HCN1: variants seen among roughly 807,000 people sequenced by gnomAD.
HCN1 encodes the protein hyperpolarization activated cyclic nucleotide gated potassium channel 1.
Under a neutral mutation model 78.9 loss-of-function variants are expected in HCN1, and 13 were observed. That is an observed-to-expected ratio of 0.16 (90% CI 0.11 to 0.26). The LOEUF is 0.26. HCN1 is among the 10% of genes least tolerant of loss of function. HCN1 has a pLI of 1.00. For missense variants in HCN1, 810 were observed against 1,154.3 expected, an observed-to-expected ratio of 0.70 and a Z score of 4.32; for synonymous variants, 552 against 455.5, an observed-to-expected ratio of 1.21 and a Z score of -2.70.
intron 2 of HCN1, among the ~76,000 whole-genome samples, chr5:45,626,670 G>A (rs536286904): frequency 6.6e-6 from 1 of 152,150 alleles, no homozygotes; most frequent in Non-Finnish European, 1.5e-5. Context: ...GAAGGACCAA[G>A]CGTCAAAAAA....
intron 5 of HCN1, among the ~76,000 whole-genome samples, chr5:45,334,352 G>T (rs941779914): frequency 2.6e-5 from 4 of 151,424 alleles, no homozygotes; most frequent in Non-Finnish European, 5.9e-5. Context: ...TTCCACATGT[G>T]CTTCCAAATT....
intron 4 of HCN1, among the ~76,000 whole-genome samples, chr5:45,382,412 A>C (rs901395817): frequency 6.6e-6 from 1 of 152,168 alleles, no homozygotes; most frequent in African/African-American, 2.4e-5. Flanking sequence ...GGATTTGATG[A>C]CTGAATGAAT....
chr5:45,683,821 T>C (rs1739752113), intron 1 of HCN1, among the ~76,000 whole-genome samples: 1 of 151,840 alleles, frequency 6.6e-6, no homozygotes, highest in African/African-American at 2.4e-5. Flanking sequence ...CAGGCATGCA[T>C]CTCCATGCCT....
At chr5:45,518,053 A>G (rs555750686) in intron 2 of HCN1, among the ~76,000 whole-genome samples, 1 of 152,228 alleles carries the variant, frequency 6.6e-6, no homozygotes, top group South Asian at 2.1e-4. Context: ...GTGGTTGATG[A>G]CATTTCACAT....
intron 2 of HCN1, among the ~76,000 whole-genome samples, chr5:45,518,289 C>G (rs545647475): frequency 6.6e-6 from 1 of 152,022 alleles, no homozygotes; most frequent in Admixed American, 6.6e-5. Context: ...TGTTTTTGGG[C>G]ATTCCATGGT....
At chr5:45,618,666 C>G (rs1745000571) in intron 2 of HCN1, among the ~76,000 whole-genome samples, 1 of 151,998 alleles carries the variant, frequency 6.6e-6, no homozygotes, top group Admixed American at 6.6e-5. Flanking sequence ...ACATTAATGA[C>G]TCAAGTCTAA....
intron 1 of HCN1, among the ~76,000 whole-genome samples, chr5:45,664,153 T>C (rs2112064326): frequency 1.7e-5 from 1 of 58,730 alleles, no homozygotes; most frequent in Admixed American, 2.2e-4. Context: ...TTCATGTCCT[T>C]TGTAGGGACA....
chr5:45,413,851 GA>G (rs1740068802), intron 3 of HCN1, among the ~76,000 whole-genome samples: 1 of 151,438 alleles, frequency 6.6e-6, no homozygotes, highest in Non-Finnish European at 1.5e-5. Context: ...CTGAAATATT[GA>G]AAAAAATAGA....
intron 2 of HCN1, among the ~76,000 whole-genome samples, chr5:45,632,093 TGA>T (rs1026959714): frequency 1.3e-5 from 2 of 152,090 alleles, no homozygotes; most frequent in African/African-American, 4.8e-5. Flanking sequence ...TTTGCAGTTT[TGA>T]GAGGCAGAAA....
chr5:45,464,313 G>T (rs1379620806), intron 2 of HCN1, among the ~76,000 whole-genome samples: 1 of 151,984 alleles, frequency 6.6e-6, no homozygotes, highest in African/African-American at 2.4e-5. Context: ...GCATTTTCAT[G>T]AACTATTATA....
intron 5 of HCN1, among the ~76,000 whole-genome samples, chr5:45,340,824 T>G (rs183397989): frequency 8.0e-4 from 122 of 152,238 alleles, no homozygotes; most frequent in African/African-American, 2.7e-3. Context: ...GAGACATCAG[T>G]TTTAAAATAG....
At chr5:45,316,233 T>A (rs935659749) in intron 5 of HCN1, among the ~76,000 whole-genome samples, 6 of 152,150 alleles carry the variant, frequency 3.9e-5, no homozygotes, top group Non-Finnish European at 8.8e-5. Context: ...GTGGGCTTCA[T>A]CCCTGGGATG....
At chr5:45,445,242 C>G (rs182002545) in intron 3 of HCN1, among the ~76,000 whole-genome samples, 4 of 152,206 alleles carry the variant, frequency 2.6e-5, no homozygotes, top group Non-Finnish European at 1.5e-5. Flanking sequence ...TATCCCGCAC[C>G]TGGCTCGGAG....
chr5:45,509,077 G>A (rs1271233730), intron 2 of HCN1, among the ~76,000 whole-genome samples: 2 of 152,056 alleles, frequency 1.3e-5, no homozygotes, highest in East Asian at 3.9e-4. Flanking sequence ...CTTTAAACAT[G>A]ACTGATACAC....
At chr5:45,412,589 TA>T (rs1385407174) in intron 3 of HCN1, among the ~76,000 whole-genome samples, 1 of 152,084 alleles carries the variant, frequency 6.6e-6, no homozygotes, top group Non-Finnish European at 1.5e-5. Flanking sequence ...TTACCTCTAT[TA>T]AGCTTCTCTC....
intron 2 of HCN1, among the ~76,000 whole-genome samples, chr5:45,470,638 C>T (rs918881875): frequency 6.6e-6 from 1 of 151,798 alleles, no homozygotes; most frequent in South Asian, 2.1e-4. Flanking sequence ...TCTGAATTGT[C>T]GAAAGTTTAT....
At chr5:45,522,679 A>G (rs901530942) in intron 2 of HCN1, among the ~76,000 whole-genome samples, 1 of 151,684 alleles carries the variant, frequency 6.6e-6, no homozygotes, top group Admixed American at 6.6e-5. Context: ...CCATCAAAAA[A>G]TATCTTTTGG....
At position 45,266,008 on chromosome 5, in the gene HCN1, G is replaced by A. The variant is rs118117826; in HGVS notation, c.1783+1081C>T. Among the ~76,000 whole-genome samples, 112 of 152,080 alleles carry A rather than the reference G, an allele frequency of 7.4e-4. 1 individual carries two copies. In the East Asian group the frequency reaches 0.017, roughly 24 times the overall value. ...AGAGAGAGGAAGGTTGAGCAGAGTC[G>A]AGCTGACCAAAAAAAAGTAGAGAAG... On this transcript the variant is annotated intron_variant, in intron 7 of 7. Coordinates refer to ENST00000303230, the MANE Select transcript of HCN1 (RefSeq NM_021072.4).
intron 5 of HCN1, among the ~76,000 whole-genome samples, chr5:45,352,023 C>G (rs1449301468): frequency 1.3e-5 from 2 of 152,160 alleles, no homozygotes; most frequent in Admixed American, 1.3e-4. Context: ...CATCCCATTA[C>G]TGGGTAATAC....
Sources: allele counts gnomAD v4.1 joint callset (sites outside exome capture counted in the v4.1 genomes callset), GRCh38; gene constraint gnomAD v4.1.1; transcripts MANE v1.5; gene names NCBI Gene and HGNC (gene_info 2026-07-23, HGNC 2026-07-21).